PIGU: variants seen among roughly 807,000 people sequenced by gnomAD.
PIGU encodes the protein GPI-anchor transamidase component PIGU.
Under a neutral mutation model 49.9 loss-of-function variants are expected in PIGU, and 24 were observed. That is an observed-to-expected ratio of 0.48 (90% CI 0.35 to 0.68). PIGU has a LOEUF of 0.68. PIGU is among the 30% of genes least tolerant of loss of function. PIGU has a pLI of 0.01. For synonymous variants in PIGU, 220 were observed against 205.7 expected (o/e 1.07, Z -0.59); for missense variants, 490 against 532.6 (o/e 0.92, Z 0.79).
At chr20:34,647,924 G>C (rs1429360075) in intron 2 of PIGU, among the ~76,000 whole-genome samples, 1 of 151,916 alleles carries the variant, frequency 6.6e-6, no homozygotes, top group Non-Finnish European at 1.5e-5. Context: ...TTTTTGGTCT[G>C]TTTGTTCTTT....
intron 1 of PIGU, among the ~76,000 whole-genome samples, chr20:34,667,565 A>G (rs1374157792): frequency 6.6e-6 from 1 of 152,220 alleles, no homozygotes; most frequent in Non-Finnish European, 1.5e-5. Context: ...TAATCCAAAC[A>G]ACAGAATGAA....
At chr20:34,613,879 C>T (rs1255335843) in intron 7 of PIGU, among the ~76,000 whole-genome samples, 1 of 152,176 alleles carries the variant, frequency 6.6e-6, no homozygotes, top group African/African-American at 2.4e-5. Context: ...TCTTTAGATA[C>T]TGATGGTGGC....
chr20:34,618,525 T>C (rs1985093971), intron 6 of PIGU, among the ~76,000 whole-genome samples: 1 of 152,184 alleles, frequency 6.6e-6, no homozygotes, highest in African/African-American at 2.4e-5. Context: ...TTCACAAATG[T>C]AATCCCAGCA....
chr20:34,595,177 G>T (rs938845414), intron 7 of PIGU, among the ~76,000 whole-genome samples: 1 of 151,380 alleles, frequency 6.6e-6, no homozygotes, highest in African/African-American at 2.4e-5. Context: ...AGGAATACAG[G>T]AAAGATAAGC....
At chr20:34,607,833 C>T (rs551376150) in intron 7 of PIGU, among the ~76,000 whole-genome samples, 21 of 152,308 alleles carry the variant, frequency 1.4e-4, no homozygotes, top group African/African-American at 4.3e-4. Flanking sequence ...CCAGACTGGT[C>T]TTAAACTCCT....
intron 7 of PIGU, among the ~76,000 whole-genome samples, chr20:34,609,701 G>C (rs1008926727): frequency 3.9e-5 from 6 of 152,072 alleles, no homozygotes; most frequent in African/African-American, 1.4e-4. Context: ...TTGTTTCCTG[G>C]ATGTGACTAC....
intron 7 of PIGU, among the ~76,000 whole-genome samples, chr20:34,593,749 A>C (rs1600609827): frequency 1.3e-5 from 2 of 152,212 alleles, no homozygotes; most frequent in African/African-American, 4.8e-5. Flanking sequence ...TATATTTTTT[A>C]AATGAAATGA....
intron 1 of PIGU, among the ~76,000 whole-genome samples, chr20:34,670,156 G>A (rs1987261793): frequency 6.7e-6 from 1 of 149,724 alleles, no homozygotes; most frequent in Non-Finnish European, 1.5e-5. Flanking sequence ...ATTGTTATGT[G>A]TGTCTTACAA....
At chr20:34,571,381 C>T (rs1983007335) in intron 11 of PIGU, among the ~76,000 whole-genome samples, 1 of 152,124 alleles carries the variant, frequency 6.6e-6, no homozygotes, top group Non-Finnish European at 1.5e-5. Flanking sequence ...GGGTATGGCA[C>T]TGAACAACTC....
intron 1 of PIGU, among the ~76,000 whole-genome samples, chr20:34,665,192 ATT>A (rs1171497892): frequency 1.5e-3 from 88 of 59,594 alleles, no homozygotes; most frequent in African/African-American, 6.3e-3. Context: ...TGTATGGCCA[ATT>A]TTTTTTTTTT....
Position 34,611,024 on chromosome 20 carries a change from C to T in PIGU, c.627+5018G>A, listed in dbSNP as rs188721199. 3.9e-3 allele frequency among the ~76,000 whole-genome samples: 591 copies of T among 152,238 alleles called. 4 individuals are homozygous for T. Among genetic ancestry groups the T allele is most frequent in the South Asian group, 0.027 (129 of 4,826 alleles). ...CCATACGCAGAAAACAGAAACTGGACCCCTTTGTTACACCTTATACAAAAA... is the reference window on the plus strand; with the variant it reads ...CCATACGCAGAAAACAGAAACTGGATCCCTTTGTTACACCTTATACAAAAA... On this transcript the variant is annotated intron_variant, in intron 7 of 11. Transcript: ENST00000217446.
At chr20:34,588,019 C>A (rs1983768772) in intron 8 of PIGU, among the ~76,000 whole-genome samples, 1 of 152,160 alleles carries the variant, frequency 6.6e-6, no homozygotes, top group Non-Finnish European at 1.5e-5. Flanking sequence ...GCAATCCCAG[C>A]ACTTTGGGAG....
rs576096194 is a variant in PIGU, at chr20:34,616,308, T to C, written c.530-169A>G. On this transcript the variant is annotated intron_variant, in intron 6 of 11. Coordinates refer to ENST00000217446, the MANE Select transcript of PIGU (RefSeq NM_080476.5). ...ATTCACACAGTAAGAGCTTCTTGGCTTGATTTCCAATGAAAGGAAACCAAG... is the reference window on the plus strand; with the variant it reads ...ATTCACACAGTAAGAGCTTCTTGGCCTGATTTCCAATGAAAGGAAACCAAG... 4.6e-5 allele frequency among the ~76,000 whole-genome samples: 7 copies of C among 152,280 alleles called. No homozygotes were observed. In the South Asian group the frequency reaches 1.4e-3, roughly 32 times the overall value.
chr20:34,637,655 T>C lies in PIGU; in HGVS notation c.428+221A>G, dbSNP rs185123488. Among the ~76,000 whole-genome samples, 1,253 of 152,278 alleles carry C rather than the reference T, an allele frequency of 8.2e-3. 25 individuals carry two copies. Among genetic ancestry groups the C allele is most frequent in the African/African-American group, 0.029 (1,212 of 41,550 alleles). On this transcript the variant is annotated intron_variant, in intron 5 of 11. Coordinates refer to ENST00000217446, the MANE Select transcript of PIGU (RefSeq NM_080476.5). ...AAAAAGCATTTGTGAAGGGTTTGAT[T>C]GTACACAGCCCTGTGTGAGTCTTTG...
chr20:34,600,903 A>G (rs1452924147), intron 7 of PIGU, among the ~76,000 whole-genome samples: 1 of 152,070 alleles, frequency 6.6e-6, no homozygotes, highest in African/African-American at 2.4e-5. Context: ...ACGTGGTGGC[A>G]CATGCCTGTA....
At chr20:34,622,872 C>T (rs1985297540) in intron 6 of PIGU, among the ~76,000 whole-genome samples, 1 of 152,114 alleles carries the variant, frequency 6.6e-6, no homozygotes, top group Non-Finnish European at 1.5e-5. Flanking sequence ...TGTGTATGTA[C>T]ATTGGCTGTA....
At chr20:34,565,131 G>A (rs963750150) in intron 11 of PIGU, among the ~76,000 whole-genome samples, 7 of 152,236 alleles carry the variant, frequency 4.6e-5, no homozygotes, top group African/African-American at 9.7e-5. Flanking sequence ...TGGGCAAGGG[G>A]CTGTGGAATT....
intron 7 of PIGU, among the ~76,000 whole-genome samples, chr20:34,589,820 T>C (rs1468278638): frequency 6.6e-6 from 1 of 151,742 alleles, no homozygotes; most frequent in Non-Finnish European, 1.5e-5. Flanking sequence ...CACGCCCAGC[T>C]AATTTTTATA....
intron 2 of PIGU, among the ~76,000 whole-genome samples, chr20:34,647,614 C>G (rs1057150394): frequency 6.6e-6 from 1 of 151,798 alleles, no homozygotes; most frequent in Admixed American, 6.6e-5. Context: ...ACTATGTTGG[C>G]CAGGCTGGTC....
Sources: gnomAD v4.1 joint callset for allele counts (sites outside exome capture counted in the v4.1 genomes callset) on GRCh38, gnomAD v4.1.1 for gene constraint, MANE v1.5 for transcripts, NCBI Gene and HGNC (gene_info 2026-07-23, HGNC 2026-07-21) for gene names.